CRISPLD1: variants seen among roughly 807,000 people sequenced by gnomAD.
CRISPLD1 encodes cysteine rich secretory protein LCCL domain containing 1.
A neutral mutation model predicts 77.5 loss-of-function variants in CRISPLD1; 60 were observed. The ratio of observed to expected loss-of-function variants is 0.77; its 90% confidence interval spans 0.63 to 0.96. The LOEUF (loss-of-function observed/expected upper bound fraction) is 0.96. Ranked by LOEUF, CRISPLD1 falls within the 40% of genes least tolerant of loss-of-function variation. The pLI, the probability that CRISPLD1 is intolerant of heterozygous loss-of-function variation, is 0.00. For missense variants in CRISPLD1, 623 were observed against 615.8 expected (o/e 1.01, Z -0.12); for synonymous variants, 195 against 200.1 (o/e 0.97, Z 0.22).
At chr8:74,989,774 A>G (rs1812545676) in intron 2 of CRISPLD1, among the ~76,000 whole-genome samples, 1 of 151,992 alleles carries the variant, frequency 6.6e-6, no homozygotes, top group East Asian at 1.9e-4. Flanking sequence ...TTTTTGTGTT[A>G]GTTGCATTTG....
intron 10 of CRISPLD1, among the ~76,000 whole-genome samples, chr8:75,018,537 C>T (rs1036198397): frequency 5.3e-5 from 8 of 151,556 alleles, no homozygotes; most frequent in South Asian, 4.2e-4. Flanking sequence ...GTGATCCACC[C>T]GCCTCAGCCT....
chr8:75,004,076 G>A (rs772469835), intron 2 of CRISPLD1, among the ~76,000 whole-genome samples: 12 of 152,090 alleles, frequency 7.9e-5, no homozygotes, highest in Non-Finnish European at 1.3e-4. Context: ...AAGGTTTTAA[G>A]CCTTTGTTTT....
At chr8:75,001,054 A>G (rs1812731977) in intron 2 of CRISPLD1, among the ~76,000 whole-genome samples, 1 of 152,156 alleles carries the variant, frequency 6.6e-6, no homozygotes, top group Non-Finnish European at 1.5e-5. Context: ...AATATTTTAC[A>G]TATCCTGAAG....
chr8:75,031,628 T>C (rs1813349442), intron 14 of CRISPLD1, among the ~76,000 whole-genome samples: 1 of 151,846 alleles, frequency 6.6e-6, no homozygotes, highest in Non-Finnish European at 1.5e-5. Flanking sequence ...TATTCTTAGG[T>C]CTTTCAGATT....
chr8:74,993,457 GT>G (rs1812604210), intron 2 of CRISPLD1, among the ~76,000 whole-genome samples: 1 of 152,064 alleles, frequency 6.6e-6, no homozygotes, highest in African/African-American at 2.4e-5. Context: ...TTCCTAAGGT[GT>G]TTTTGCTTTA....
At chr8:75,022,504 C>T (rs1367615574) in intron 12 of CRISPLD1, among the ~76,000 whole-genome samples, 1 of 150,386 alleles carries the variant, frequency 6.6e-6, no homozygotes, top group East Asian at 2.0e-4. Context: ...AGGAGAATGG[C>T]GTGAACCCGG....
In CRISPLD1 at chr8:75,032,214, A is replaced by G. The variant is rs534534290; in HGVS notation, c.1475A>G (p.Lys492Arg). The change falls in exon 15 of 15, where the codon AAG becomes AGG. Residue 492 changes from lysine to arginine, a missense_variant. By Grantham distance (26) the Lys-to-Arg change is conservative. Transcript: ENST00000262207. ...AGTTTACAGAATCCTCCAGGAGGAA[A>G]GGCATTCAGAGTGTTTGCTGTTGTG... ...SESLQNPPGG[K>R]AFRVFAVV 10 of 1,608,910 alleles carry G rather than the reference A, an allele frequency of 6.2e-6. No homozygotes were observed. Among genetic ancestry groups the G allele is most frequent in the African/African-American group, 2.7e-5 (2 of 74,782 alleles).
chr8:75,010,311 C>G (rs546224876), intron 2 of CRISPLD1, among the ~76,000 whole-genome samples: 1 of 152,130 alleles, frequency 6.6e-6, no homozygotes, highest in East Asian at 1.9e-4. Context: ...ACATACATTT[C>G]TTTTTACATG....
At chr8:75,022,760 G>T (rs1413331977) in intron 12 of CRISPLD1, among the ~76,000 whole-genome samples, 1 of 151,912 alleles carries the variant, frequency 6.6e-6, no homozygotes, top group Non-Finnish European at 1.5e-5. Flanking sequence ...GAGAAAAAAT[G>T]ACAATAAATA....
In CRISPLD1 at chr8:75,025,559, C is replaced by T. The variant is rs138426954; in HGVS notation, c.1258C>T (p.Arg420Cys). ...TATTTTTTTCAGAGTATACTGTCCT[C>T]GTAACTGTATGCAAGCAAATCCACA... ...ASHCPRVYCP[R>C]NCMQANPHYA... The change falls in exon 13 of 15, where the codon CGT (arginine) becomes TGT (cysteine). Residue 420 changes from arginine (R) to cysteine (C), a missense_variant. Transcript: ENST00000262207. 2.5e-5 allele frequency: 39 copies of T among 1,556,642 alleles called. No homozygotes were observed. Among genetic ancestry groups the T allele is most frequent in the Admixed American group, 5.0e-5 (3 of 59,582 alleles).
intron 2 of CRISPLD1, among the ~76,000 whole-genome samples, chr8:74,991,187 A>C (rs1812568053): frequency 6.6e-6 from 1 of 151,906 alleles, no homozygotes; most frequent in African/African-American, 2.4e-5. Flanking sequence ...ATAGAGATGG[A>C]GTTTCATCAT....
intron 8 of CRISPLD1, 23 bp from the exon 9 acceptor site, chr8:75,017,024 T>C (rs1353026287): frequency 6.2e-7 from 1 of 1,603,404 alleles, no homozygotes; most frequent in African/African-American, 1.3e-5. Flanking sequence ...AACTAAATTT[T>C]GTGCCCAATT....
chr8:75,030,041 G>T (rs540649948), intron 14 of CRISPLD1, among the ~76,000 whole-genome samples: 1 of 151,878 alleles, frequency 6.6e-6, no homozygotes, highest in African/African-American at 2.4e-5. Context: ...CATATATTTT[G>T]GTGATTTGAG....
intron 2 of CRISPLD1, among the ~76,000 whole-genome samples, chr8:74,991,281 C>T (rs369381339): frequency 6.6e-6 from 1 of 152,132 alleles, no homozygotes; most frequent in South Asian, 2.1e-4. Flanking sequence ...CAGATGTGAG[C>T]CACCATGCCA....
At chr8:75,030,732 A>G (rs1210093593) in intron 14 of CRISPLD1, among the ~76,000 whole-genome samples, 1 of 133,970 alleles carries the variant, frequency 7.5e-6, no homozygotes, top group Non-Finnish European at 1.7e-5. Flanking sequence ...GTGTCTGTGT[A>G]TATATGTATG....
chr8:74,997,006 T>A (rs376069942), intron 2 of CRISPLD1, among the ~76,000 whole-genome samples: 93 of 152,276 alleles, frequency 6.1e-4, no homozygotes, highest in African/African-American at 2.1e-3. Context: ...CGAGAGCCAC[T>A]GTGCCTGGCC....
chr8:75,000,304 G>A, intron 2 of CRISPLD1: 1 of 985,344 alleles, frequency 1.0e-6, no homozygotes, highest in Non-Finnish European at 1.2e-6. Flanking sequence ...TGATAAAAGT[G>A]TTGAGAGAGG....
chr8:75,024,666 G>A (rs1483376876), intron 12 of CRISPLD1, among the ~76,000 whole-genome samples: 4 of 152,148 alleles, frequency 2.6e-5, no homozygotes, highest in Non-Finnish European at 4.4e-5. Flanking sequence ...ACAGATTGGA[G>A]AGGGCCAAAT....
intron 2 of CRISPLD1, among the ~76,000 whole-genome samples, chr8:74,986,996 TGAATGAG>T (rs1398935007): frequency 1.3e-5 from 2 of 152,190 alleles, no homozygotes; most frequent in African/African-American, 4.8e-5. Flanking sequence ...ATTCCTTCCA[TGAATGAG>T]GAATGCACTA....
Sources: gnomAD v4.1 joint callset for allele counts (sites outside exome capture counted in the v4.1 genomes callset) on GRCh38, gnomAD v4.1.1 for gene constraint, MANE v1.5 for transcripts, NCBI Gene and HGNC (gene_info 2026-07-23, HGNC 2026-07-21) for gene names.